Variants in ATP9A observed in about 807,000 individuals in gnomAD.
The protein encoded by ATP9A is ATPase phospholipid transporting 9A, also known as probable phospholipid-transporting ATPase IIA.
Under a neutral mutation model 144.1 loss-of-function variants are expected in ATP9A, and 52 were observed. That is an observed-to-expected ratio of 0.36 (90% CI 0.29 to 0.45). The LOEUF (loss-of-function observed/expected upper bound fraction) is 0.45, where lower values mean the gene tolerates loss of function less well. Ranked by LOEUF, ATP9A falls within the 20% of genes least tolerant of loss-of-function variation. ATP9A has a pLI of 1.00. For missense variants in ATP9A, 947 were observed against 1,392.7 expected, an observed-to-expected ratio of 0.68 and a Z score of 5.09; for synonymous variants, 582 against 557.4, an observed-to-expected ratio of 1.04 and a Z score of -0.62.
intron 3 of ATP9A, among the ~76,000 whole-genome samples, chr20:51,721,614 AC>A (rs773514330): frequency 3.9e-5 from 6 of 151,994 alleles, no homozygotes; most frequent in Non-Finnish European, 8.8e-5. Context: ...CCTGGCTAAC[AC>A]AGGTGAAACC....
chr20:51,625,392 C>T (rs777220765), intron 17 of ATP9A, 30 bp from the exon 18 acceptor site: 2 of 1,598,266 alleles, frequency 1.3e-6, no homozygotes, highest in Non-Finnish European at 1.7e-6. Flanking sequence ...GCAGTCACTG[C>T]TTAGGGTGAG....
intron 2 of ATP9A, among the ~76,000 whole-genome samples, 196 bp from the exon 3 acceptor site, chr20:51,726,128 C>T (rs2122868631): frequency 6.6e-6 from 1 of 152,052 alleles, no homozygotes; most frequent in East Asian, 1.9e-4. Flanking sequence ...GCCTGACCAA[C>T]ATGGCGAAAC....
At chr20:51,603,198 T>C (rs1437918996) in intron 27 of ATP9A, among the ~76,000 whole-genome samples, 1 of 152,212 alleles carries the variant, frequency 6.6e-6, no homozygotes, top group East Asian at 1.9e-4. Context: ...GTATCACTCT[T>C]GAGGGTTTTT....
At chr20:51,670,181 T>A (rs2077450143) in intron 12 of ATP9A, 72 bp from the exon 13 acceptor site, 1 of 1,210,652 alleles carries the variant, frequency 8.3e-7, no homozygotes, top group Non-Finnish European at 1.2e-6. Flanking sequence ...TAATGACAGC[T>A]GCCATCTTTG....
At chr20:51,657,636 C>T (rs1472749442) in intron 13 of ATP9A, among the ~76,000 whole-genome samples, 1 of 152,188 alleles carries the variant, frequency 6.6e-6, no homozygotes, top group Non-Finnish European at 1.5e-5. Flanking sequence ...CACCAAATGT[C>T]CAATAGAGGC....
At chr20:51,638,121 A>ATATATATATCTATC (rs2077302889) in intron 15 of ATP9A, among the ~76,000 whole-genome samples, 3 of 103,004 alleles carry the variant, frequency 2.9e-5, no homozygotes, top group African/African-American at 1.2e-4. Context: ...ATATATATAT[A>ATATATATATCTATC]TATCTCATAG....
rs1288841884 is a variant in ATP9A at position 51,740,348 on chromosome 20, A to T, written c.69-10370T>A. Among the ~76,000 whole-genome samples the T allele has an allele frequency of 2.7e-5, 4 of 150,348 alleles. No homozygotes were observed. In the Admixed American group the frequency reaches 2.7e-4, roughly 10 times the overall value. ...GCTGGGGTTACAGGTATGAGCCACC[A>T]CGCCCCAGCCAACACAAACCAATTT... On this transcript the variant is annotated intron_variant, in intron 1 of 27. Coordinates refer to ENST00000338821, the MANE Select transcript of ATP9A (RefSeq NM_006045.3).
At position 51,601,333 on chromosome 20, in the gene ATP9A, C is replaced by T. The variant is rs888178293; in HGVS notation, c.3022G>A (p.Ala1008Thr). Residue 1008 changes from alanine to threonine, a missense_variant, in exon 28 of 28, where the codon GCC becomes ACC. Physicochemically the swap from Ala to Thr is moderately conservative, Grantham distance 58. Around this residue, in one of 2 missense-constraint regions of ATP9A, gnomAD observed 177 missense variants for 344.9 expected, o/e 0.51. Transcript: ENST00000338821. ...LHEFIDVYFIATLSFLWKVSV... is the reference protein window; with the variant it reads ...LHEFIDVYFITTLSFLWKVSV... Reference sequence around the variant, plus strand: ...ACTTTCCACAAGAATGACAAGGTGGCGATGAAGTACACATCTGCAAGGAAA... The same window carrying T: ...ACTTTCCACAAGAATGACAAGGTGGTGATGAAGTACACATCTGCAAGGAAA... 1.1e-5 allele frequency: 18 copies of T among 1,611,628 alleles called. No individual in the cohort carries two copies. Among genetic ancestry groups the T allele is most frequent in the Non-Finnish European group, 1.4e-5 (17 of 1,178,760 alleles).
intron 1 of ATP9A, among the ~76,000 whole-genome samples, chr20:51,730,935 A>G (rs1044776948): frequency 1.3e-5 from 2 of 152,050 alleles, no homozygotes; most frequent in Admixed American, 1.3e-4. Flanking sequence ...TTGGGAGGCC[A>G]AAGCAAGAAG....
intron 1 of ATP9A, among the ~76,000 whole-genome samples, chr20:51,751,625 C>T (rs2122904194): frequency 6.6e-6 from 1 of 151,946 alleles, no homozygotes; most frequent in East Asian, 1.9e-4. Context: ...GAGTCTCGCT[C>T]TCCCCAGGCT....
chr20:51,654,100 CCT>C (rs1243823479), intron 14 of ATP9A, among the ~76,000 whole-genome samples: 5 of 152,292 alleles, frequency 3.3e-5, no homozygotes, highest in South Asian at 2.1e-4. Context: ...CCTCCCTCCC[CCT>C]CTCTCTTTCT....
chr20:51,651,336 A>ATATATTATATAATATATATTTATATT (rs1568803586), intron 14 of ATP9A, among the ~76,000 whole-genome samples: 1 of 80,732 alleles, frequency 1.2e-5, no homozygotes, highest in Admixed American at 1.3e-4. Flanking sequence ...ATATTTACAT[A>ATATATTATATAATATATATTTATATT]ATATATTATA....
In ATP9A at chr20:51,608,599, A is replaced by G; in HGVS notation, c.2664T>C (p.Pro888=). The G allele has an allele frequency of 1.2e-6, 2 of 1,613,264 alleles. No individual in the cohort carries two copies. The highest frequency in any genetic ancestry group is 1.7e-6 in the Non-Finnish European group (2 of 1,179,130). ...IGYSTIYTMF[P]VFSLVLDKDV... is the part of the protein sequence containing the mutation. ...CTTTGTCCAGGACCAGAGAAAACACAGGAAACATGGTGTAAATTGTGGAGT... is the reference window on the plus strand; with the variant it reads ...CTTTGTCCAGGACCAGAGAAAACACGGGAAACATGGTGTAAATTGTGGAGT... Residue 888 remains proline (P), a synonymous_variant, in exon 25 of 28, where the codon CCT becomes CCC. Coordinates refer to ENST00000338821, the MANE Select transcript of ATP9A (RefSeq NM_006045.3).
chr20:51,725,860 C>T lies in ATP9A; in HGVS notation c.286G>A (p.Glu96Lys), dbSNP rs190938933. ...LLLACSQFVP[E>K]MRLGALYTYW... ...GTATAGAGTGCACCAAGTCTCATTT[C>T]GGGAACAAACTGAGAGCAGGCAAGA... The change falls in exon 3 of 28, where the codon GAA becomes AAA. Residue 96 changes from glutamate (E) to lysine (K), a missense_variant. Around this residue, in one of 2 missense-constraint regions of ATP9A, gnomAD observed 770 missense variants for 1,047.9 expected, o/e 0.73. Transcript: ENST00000338821. 816 of 1,613,496 alleles carry T rather than the reference C, an allele frequency of 5.1e-4. No individual in the cohort carries two copies. The highest frequency in any genetic ancestry group is 6.0e-4 in the Non-Finnish European group (708 of 1,179,488).
At chr20:51,624,846 A>G (rs1160607649) in intron 18 of ATP9A, among the ~76,000 whole-genome samples, 1 of 151,970 alleles carries the variant, frequency 6.6e-6, no homozygotes, top group Non-Finnish European at 1.5e-5. Context: ...TATCTACAAA[A>G]ATATAAAAAT....
chr20:51,625,241 T>A lies in ATP9A; in HGVS notation c.1967A>T (p.Gln656Leu), dbSNP rs377209517. The change falls in exon 18 of 28, where the codon CAG becomes CTG. Residue 656 changes from glutamine (Q) to leucine (L), a missense_variant. Physicochemically the swap from Gln to Leu is moderately radical, Grantham distance 113. This residue lies in a region of ATP9A where 770 missense variants were observed against 1,047.9 expected (regional missense o/e 0.73). Transcript: ENST00000338821. ...CTCCAGCGTGGGCCGCACATCTGCC[T>A]GCAGCTGGTCCTCCACGCCCGTCAG... ...LCLTGVEDQLQADVRPTLETL... is the reference protein window; with the variant it reads ...LCLTGVEDQLLADVRPTLETL... 6.2e-7 allele frequency: 1 copy of A among 1,614,116 alleles called. No individual in the cohort carries two copies.
At chr20:51,701,942 C>G (rs1178574845) in intron 4 of ATP9A, among the ~76,000 whole-genome samples, 1 of 151,296 alleles carries the variant, frequency 6.6e-6, no homozygotes, top group Admixed American at 6.6e-5. Flanking sequence ...GGGTGGATTG[C>G]TTGAGCCCAG....
chr20:51,686,407 T>C (rs1292294181), intron 9 of ATP9A, among the ~76,000 whole-genome samples: 2 of 151,340 alleles, frequency 1.3e-5, no homozygotes, highest in Admixed American at 1.3e-4. Context: ...ATTTTAAATT[T>C]CTATATGGTA....
At chr20:51,617,361 T>C in intron 22 of ATP9A, 129 bp downstream of exon 22, 2 of 955,854 alleles carry the variant, frequency 2.1e-6, no homozygotes, top group Non-Finnish European at 3.2e-6. Flanking sequence ...AAGGTAACTG[T>C]GACACATGAT....
Sources: allele counts gnomAD v4.1 joint callset (sites outside exome capture counted in the v4.1 genomes callset), GRCh38; gene constraint gnomAD v4.1.1; regional missense constraint gnomAD v4.1.1; transcripts MANE v1.5; gene names NCBI Gene and HGNC (gene_info 2026-07-23, HGNC 2026-07-21).